CAPN11: variants seen among roughly 807,000 people sequenced by gnomAD.
CAPN11 encodes calpain 11.
In CAPN11, 108 loss-of-function variants were observed where a neutral mutation model predicts 105.3. The observed-to-expected ratio is 1.03, with a 90% CI of 0.88 to 1.20. The LOEUF (loss-of-function observed/expected upper bound fraction) is 1.20, where lower values mean the gene tolerates loss of function less well. Among genes scored for constraint, CAPN11 ranks in the 50% most tolerant of loss-of-function variants. CAPN11 has a pLI of 0.00. For missense variants in CAPN11, 883 were observed against 924.8 expected (o/e 0.95, Z 0.59); for synonymous variants, 329 against 344.5 (o/e 0.96, Z 0.50).
At chr6:44,181,185 C>T in intron 18 of CAPN11, 67 bp from the exon 19 acceptor site, 1 of 1,468,452 alleles carries the variant, frequency 6.8e-7, no homozygotes, top group Non-Finnish European at 9.5e-7. Context: ...TCAGGAACCC[C>T]CGCTGCTTCC....
chr6:44,177,032 G>A (rs772693173), intron 11 of CAPN11, 34 bp downstream of exon 11: 1 of 1,602,892 alleles, frequency 6.2e-7, no homozygotes, highest in African/African-American at 1.3e-5. Context: ...GGGGTGTGCA[G>A]GGAGTGAAGG....
Position 44,177,297 on chromosome 6 carries a change from A to C in CAPN11, c.1293A>C (p.Pro431=). ...FKISLPEGDD[P]EDDAEGNVVV... ...TCTCTCTTCCTGAGGGGGATGACCC[A>C]GAGGATGACGCAGAGGGCAATGTTG... is the stretch of plus-strand genomic sequence containing the variant. Residue 431 remains proline (P), a synonymous_variant, in exon 12 of 23, where the codon CCA becomes CCC. Coordinates refer to ENST00000398776, the MANE Select transcript of CAPN11 (RefSeq NM_007058.4). The C allele has an allele frequency of 6.2e-7, 1 of 1,613,158 alleles. No homozygotes were observed. The highest frequency in any genetic ancestry group is 8.5e-7 in the Non-Finnish European group (1 of 1,179,550).
Position 44,169,450 on chromosome 6 carries a change from T to C in CAPN11, c.258T>C (p.Pro86=). 6.2e-7 allele frequency: 1 copy of C among 1,612,452 alleles called. No individual in the cohort carries two copies. Among genetic ancestry groups the C allele is most frequent in the Non-Finnish European group, 8.5e-7 (1 of 1,179,330 alleles). The change falls in exon 3 of 23, where the codon CCT becomes CCC. Residue 86 remains proline, a synonymous_variant. Transcript: ENST00000398776. ...KGELFEDPLF[P]AEPSSLGFKD... ...AGCTCTTCGAGGACCCCTTATTCCCTGCTGAACCCAGCTCACTGGGCTTCA... is the reference window on the plus strand; with the variant it reads ...AGCTCTTCGAGGACCCCTTATTCCCCGCTGAACCCAGCTCACTGGGCTTCA...
intron 1 of CAPN11, among the ~76,000 whole-genome samples, chr6:44,160,366 C>T (rs1413358165): frequency 6.6e-6 from 1 of 152,162 alleles, no homozygotes; most frequent in East Asian, 1.9e-4. Flanking sequence ...GCCTGTAATC[C>T]CAGCACTTTG....
rs375074381 is a variant in CAPN11 at position 44,176,286 on chromosome 6, C to T, written c.949C>T (p.Arg317Trp). The T allele has an allele frequency of 2.2e-5, 35 of 1,613,784 alleles. No individual in the cohort carries two copies. In the Middle Eastern group the frequency reaches 6.6e-4, roughly 30 times the overall value. The change falls in exon 9 of 23, where the codon CGG (arginine) becomes TGG (tryptophan). Residue 317 changes from arginine to tryptophan, a missense_variant. Physicochemically the swap from Arg to Trp is moderately radical, Grantham distance 101. Coordinates refer to ENST00000398776, the MANE Select transcript of CAPN11 (RefSeq NM_007058.4). ...CAGAGGCAAAATGGAAACACTGATT[C>T]GGGTCCGGAATCCCTGGGGCCGGAT... ...HYRGKMETLI[R>W]VRNPWGRIEW...
chr6:44,177,498 T>TC, intron 12 of CAPN11, 78 bp downstream of exon 12: 3 of 1,360,356 alleles, frequency 2.2e-6, no homozygotes, highest in East Asian at 2.4e-5. Context: ...CTTTCTTTTT[T>TC]TTTTTTCGAG....
At chr6:44,183,828 C>A in intron 22 of CAPN11, 65 bp downstream of exon 22, 1 of 1,575,694 alleles carries the variant, frequency 6.3e-7, no homozygotes, top group Non-Finnish European at 8.7e-7. Context: ...ACCCCACCCC[C>A]ACCCAGCTCT....
intron 1 of CAPN11, among the ~76,000 whole-genome samples, chr6:44,162,113 G>GA (rs967732455): frequency 2.6e-5 from 4 of 151,768 alleles, no homozygotes; most frequent in Non-Finnish European, 4.4e-5. Flanking sequence ...GTTCCCTGGG[G>GA]GCCGTAATCA....
In CAPN11 at chr6:44,184,237, C is replaced by A. The variant is rs2072234912; in HGVS notation, c.*305C>A. 2.1e-6 allele frequency: 1 copy of A among 465,200 alleles called. No individual in the cohort carries two copies. The highest frequency in any genetic ancestry group is 3.9e-6 in the Non-Finnish European group (1 of 257,440). The allele number at this position is 465,200 out of a possible 1,614,324, so 28.8% of individuals were successfully genotyped here. ...GTAGTTGATGCTTCCCCAGGGTCCC[C>A]CTGGCTGGGGAGGCCAAGAATAGGG... On this transcript the variant is annotated 3_prime_UTR_variant, in exon 23 of 23. Coordinates refer to ENST00000398776, the MANE Select transcript of CAPN11 (RefSeq NM_007058.4).
At chr6:44,166,249 T>G (rs1370656289) in intron 1 of CAPN11, among the ~76,000 whole-genome samples, 2 of 152,172 alleles carry the variant, frequency 1.3e-5, no homozygotes, top group African/African-American at 2.4e-5. Flanking sequence ...TCTGCCAGCC[T>G]TCAGGCTGAG....
At chr6:44,182,010 A>T (rs1773676487) in intron 19 of CAPN11, among the ~76,000 whole-genome samples, 7 of 85,938 alleles carry the variant, frequency 8.1e-5, no homozygotes, top group Admixed American at 6.6e-4. Flanking sequence ...TCACACACAC[A>T]CATACACACT....
At chr6:44,168,308 C>T (rs917832805) in intron 2 of CAPN11, among the ~76,000 whole-genome samples, 3 of 152,242 alleles carry the variant, frequency 2.0e-5, no homozygotes, top group South Asian at 4.1e-4. Flanking sequence ...CTCACTCTGT[C>T]GCCCATGCTA....
chr6:44,176,214 C>A (rs751382794), intron 8 of CAPN11, 39 bp from the exon 9 acceptor site: 1 of 1,606,534 alleles, frequency 6.2e-7, no homozygotes, highest in South Asian at 1.1e-5. Context: ...GTCTCCCTGA[C>A]CCCATAACTC....
At chr6:44,169,814 C>A in intron 3 of CAPN11, 92 bp from the exon 4 acceptor site, 1 of 1,042,022 alleles carries the variant, frequency 9.6e-7, no homozygotes, top group Non-Finnish European at 1.5e-6. Context: ...TCCCCTGGAA[C>A]TTCAAGGTGG....
intron 1 of CAPN11, chr6:44,162,049 C>T (rs1768933356): frequency 2.7e-6 from 1 of 373,990 alleles, no homozygotes; most frequent in South Asian, 1.9e-5. Context: ...CAGTAGCTCC[C>T]CTGAGACCTG....
rs759386655 is a variant in CAPN11 at position 44,183,890 on chromosome 6, C to T, written c.2194-16C>T. 6.4e-7 allele frequency: 1 copy of T among 1,560,914 alleles called. No individual in the cohort carries two copies. The highest frequency in any genetic ancestry group is 1.2e-5 in the South Asian group (1 of 84,820). On this transcript the variant is annotated splice_polypyrimidine_tract_variant and intron_variant, in intron 22 of 22. Coordinates refer to ENST00000398776, the MANE Select transcript of CAPN11 (RefSeq NM_007058.4). ...CCGTCTCTTCCCACCCTGGGATCTG[C>T]TTCCTGTCTCCACAGTGGCTGCAGA...
rs1445687346 is a variant in CAPN11, at chr6:44,169,461, G to A, written c.269G>A (p.Ser90Asn). The A allele has an allele frequency of 6.2e-7, 1 of 1,611,240 alleles. No homozygotes were observed. Among genetic ancestry groups the A allele is most frequent in the Non-Finnish European group, 8.5e-7 (1 of 1,178,810 alleles). Residue 90 changes from serine to asparagine, a missense_variant, in exon 3 of 23, where the codon AGC (serine) becomes AAC (asparagine). By Grantham distance (46) the Ser-to-Asn change is conservative. Transcript: ENST00000398776. ...FEDPLFPAEPSSLGFKDLGPN... is the reference protein window; with the variant it reads ...FEDPLFPAEPNSLGFKDLGPN... ...GACCCCTTATTCCCTGCTGAACCCAGCTCACTGGGCTTCAAGGACCTGGGC... is the reference window on the plus strand; with the variant it reads ...GACCCCTTATTCCCTGCTGAACCCAACTCACTGGGCTTCAAGGACCTGGGC...
In CAPN11 at chr6:44,176,846, A is replaced by C; in HGVS notation, c.1085A>C (p.Tyr362Ser). ...KTEDGEFWMS[Y>S]QDFLNNFTLL... ...CCCCCACCCCACCACAGGATGTCCT[A>C]CCAAGATTTCCTGAACAACTTCACG... Residue 362 changes from tyrosine (Y) to serine (S), a missense_variant, in exon 11 of 23, where the codon TAC becomes TCC. Tyr to Ser is a moderately radical substitution (Grantham distance 144). Coordinates refer to ENST00000398776, the MANE Select transcript of CAPN11 (RefSeq NM_007058.4). 1 of 1,613,866 alleles carries C rather than the reference A, an allele frequency of 6.2e-7. No individual in the cohort carries two copies. The highest frequency in any genetic ancestry group is 8.5e-7 in the Non-Finnish European group (1 of 1,179,840).
Position 44,164,880 on chromosome 6 carries a change from T to TTTTATTTA in CAPN11, c.17-1862_17-1855dup, listed in dbSNP as rs201502867. On this transcript the variant is annotated intron_variant, in intron 1 of 22. Coordinates refer to ENST00000398776, the MANE Select transcript of CAPN11 (RefSeq NM_007058.4). ...GGTTTGCATTTTATTTTATGTTATG[T>TTTTATTTA]TTTATTTATTTATTTATTTATTTTT... is the stretch of plus-strand genomic sequence containing the variant. Among the ~76,000 whole-genome samples the TTTTATTTA allele has an allele frequency of 6.4e-3, 969 of 151,882 alleles. 5 individuals carry two copies. The highest frequency in any genetic ancestry group is 0.021 in the African/African-American group (881 of 41,294).
Sources: allele counts gnomAD v4.1 joint callset (sites outside exome capture counted in the v4.1 genomes callset), GRCh38; gene constraint gnomAD v4.1.1; transcripts MANE v1.5; gene names NCBI Gene and HGNC (gene_info 2026-07-23, HGNC 2026-07-21).